Variants in TAFA1 observed in about 807,000 individuals in gnomAD.
TAFA1 encodes chemokine-like protein TAFA-1.
A neutral mutation model predicts 18.5 loss-of-function variants in TAFA1; 4 were observed. That is an observed-to-expected ratio of 0.22 (90% CI 0.11 to 0.49). TAFA1 has a LOEUF of 0.49. TAFA1 is among the 20% of genes least tolerant of loss of function. The pLI is 0.98. For missense variants in TAFA1, 147 were observed against 169.0 expected (o/e 0.87, Z 0.72); for synonymous variants, 56 against 55.2 (o/e 1.01, Z -0.06).
chr3:68,461,214 ATAG>A lies in TAFA1; in HGVS notation c.259+43795_259+43797del, dbSNP rs530134934. 2.1e-3 allele frequency among the ~76,000 whole-genome samples: 315 copies of A among 151,928 alleles called. 1 individual carries two copies. Among genetic ancestry groups the A allele is most frequent in the Non-Finnish European group, 3.3e-3 (226 of 67,994 alleles). ...TGAAAATCACTTGAACCCAGGAAAGATAGGTTGCAAGGAGCCAAGATTGCGCCA... is the reference window on the plus strand; with the variant it reads ...TGAAAATCACTTGAACCCAGGAAAGAGTTGCAAGGAGCCAAGATTGCGCCA... On this transcript the variant is annotated intron_variant, in intron 3 of 4. Coordinates refer to ENST00000478136, the MANE Select transcript of TAFA1 (RefSeq NM_213609.4).
intron 3 of TAFA1, among the ~76,000 whole-genome samples, chr3:68,425,785 A>C (rs2071040634): frequency 6.6e-6 from 1 of 151,914 alleles, no homozygotes; most frequent in Non-Finnish European, 1.5e-5. Flanking sequence ...TTAGAGCAGC[A>C]GTTGCCAGTT....
intron 2 of TAFA1, among the ~76,000 whole-genome samples, chr3:68,010,785 C>T (rs2106776801): frequency 6.6e-6 from 1 of 152,214 alleles, no homozygotes; most frequent in African/African-American, 2.4e-5. Flanking sequence ...TTGGCTGGAT[C>T]AAGTTTTTAT....
intron 2 of TAFA1, among the ~76,000 whole-genome samples, chr3:68,161,086 T>A (rs1419289677): frequency 6.6e-6 from 1 of 152,232 alleles, no homozygotes; most frequent in Non-Finnish European, 1.5e-5. Context: ...ACTATACATA[T>A]ATGTAATGTT....
chr3:68,030,990 C>A (rs920958259), intron 2 of TAFA1, among the ~76,000 whole-genome samples: 3 of 151,994 alleles, frequency 2.0e-5, no homozygotes, highest in African/African-American at 7.2e-5. Context: ...AAGAATTGTA[C>A]CAACAAAAAA....
chr3:68,491,966 G>T (rs577341362), intron 3 of TAFA1, among the ~76,000 whole-genome samples: 1 of 152,266 alleles, frequency 6.6e-6, no homozygotes, highest in Admixed American at 6.5e-5. Context: ...ACATCAAACT[G>T]TATCGATGAC....
chr3:68,489,085 C>G (rs1303573031), intron 3 of TAFA1, among the ~76,000 whole-genome samples: 2 of 152,164 alleles, frequency 1.3e-5, no homozygotes, highest in Non-Finnish European at 2.9e-5. Flanking sequence ...GAGCTAATGT[C>G]ACAAGTCACA....
chr3:68,132,374 T>C (rs1419557331), intron 2 of TAFA1, among the ~76,000 whole-genome samples: 1 of 152,242 alleles, frequency 6.6e-6, no homozygotes, highest in Non-Finnish European at 1.5e-5. Context: ...GAATGATTTC[T>C]AATCCTTTGA....
chr3:68,446,888 A>G (rs2071480417), intron 3 of TAFA1, among the ~76,000 whole-genome samples: 2 of 152,198 alleles, frequency 1.3e-5, no homozygotes, highest in African/African-American at 4.8e-5. Flanking sequence ...AGTAGTCAGA[A>G]TGGACAGATC....
intron 2 of TAFA1, among the ~76,000 whole-genome samples, chr3:68,057,505 T>C (rs2064550945): frequency 6.6e-6 from 1 of 152,224 alleles, no homozygotes; most frequent in Non-Finnish European, 1.5e-5. Flanking sequence ...TTTCCCTTTT[T>C]ATACATTAGA....
intron 3 of TAFA1, among the ~76,000 whole-genome samples, chr3:68,465,149 A>G (rs1303068780): frequency 1.3e-5 from 2 of 152,170 alleles, no homozygotes; most frequent in Non-Finnish European, 2.9e-5. Flanking sequence ...AGAGGAGCAG[A>G]GATCAGTGAT....
At chr3:68,249,270 T>C (rs1215224929) in intron 2 of TAFA1, among the ~76,000 whole-genome samples, 2 of 152,326 alleles carry the variant, frequency 1.3e-5, no homozygotes, top group African/African-American at 4.8e-5. Flanking sequence ...GACTCTGCCT[T>C]TCCCATGTTG....
chr3:68,010,599 T>C (rs146267293), intron 2 of TAFA1, among the ~76,000 whole-genome samples: 147,988 of 152,302 alleles, frequency 0.97, 71,923 homozygotes, highest in African/African-American at 0.99. Context: ...GCCTGCAGTC[T>C]CTAACTACTT....
chr3:68,192,469 G>T, intron 2 of TAFA1: 1 of 203,554 alleles, frequency 4.9e-6, no homozygotes, highest in South Asian at 1.1e-4. Flanking sequence ...GTTGCTCATT[G>T]AGCACCATTA....
At chr3:68,024,915 C>G (rs1704782435) in intron 2 of TAFA1, among the ~76,000 whole-genome samples, 1 of 152,008 alleles carries the variant, frequency 6.6e-6, no homozygotes, top group African/African-American at 2.4e-5. Context: ...GAAGACTGTG[C>G]TTTCACTGGA....
At chr3:68,525,406 T>C (rs1164403148) in intron 3 of TAFA1, among the ~76,000 whole-genome samples, 1 of 152,208 alleles carries the variant, frequency 6.6e-6, no homozygotes, top group African/African-American at 2.4e-5. Context: ...TAGTTCAGTC[T>C]GCCTATTTTA....
At chr3:68,440,215 G>A (rs867191062) in intron 3 of TAFA1, among the ~76,000 whole-genome samples, 3 of 152,044 alleles carry the variant, frequency 2.0e-5, no homozygotes, top group Admixed American at 6.6e-5. Context: ...TTCCCTGCAC[G>A]AACTCTCTTC....
chr3:68,334,129 G>C (rs2068929381), intron 2 of TAFA1, among the ~76,000 whole-genome samples: 1 of 152,190 alleles, frequency 6.6e-6, no homozygotes, highest in African/African-American at 2.4e-5. Flanking sequence ...TTTGCCAAGA[G>C]AGTAAATGGT....
chr3:68,191,959 T>C (rs1019113738), intron 2 of TAFA1, among the ~76,000 whole-genome samples: 6 of 151,860 alleles, frequency 4.0e-5, no homozygotes, highest in Admixed American at 2.6e-4. Flanking sequence ...GCTTCAACCA[T>C]TCTTAGGTGA....
chr3:68,271,730 A>G (rs2067675047), intron 2 of TAFA1, among the ~76,000 whole-genome samples: 1 of 151,836 alleles, frequency 6.6e-6, no homozygotes, highest in South Asian at 2.1e-4. Flanking sequence ...GAGTTGGGGA[A>G]ACATTTGGAA....
Sources: gnomAD v4.1 joint callset for allele counts (sites outside exome capture counted in the v4.1 genomes callset) on GRCh38, gnomAD v4.1.1 for gene constraint, MANE v1.5 for transcripts, NCBI Gene and HGNC (gene_info 2026-07-23, HGNC 2026-07-21) for gene names.